The following ZNF530 variants were observed in gnomAD, a reference collection of about 807,000 sequenced individuals.
The protein encoded by ZNF530 is zinc finger protein 530.
ZNF530 carries 5 observed loss-of-function variants against 2.8 expected under a neutral mutation model. That is an observed-to-expected ratio of 1.80 (90% CI 0.94 to 3.78). ZNF530 has a LOEUF of 3.78. Ranked by LOEUF, ZNF530 falls within the 30% of genes most tolerant of loss-of-function variation. The pLI is 0.00. For synonymous variants in ZNF530, 229 were observed against 235.0 expected, an observed-to-expected ratio of 0.97 and a Z score of 0.23; for missense variants, 619 against 673.3, an observed-to-expected ratio of 0.92 and a Z score of 0.89.
downstream of ZNF530, among the ~76,000 whole-genome samples, chr19:57,610,412 A>G (rs866388707): frequency 7.5e-5 from 11 of 147,264 alleles, no homozygotes; most frequent in South Asian, 2.2e-4. Flanking sequence ...AAGTGTACAT[A>G]TGTGTGTGTG....
At chr19:57,601,351 T>C (rs1419645009) in intron 2 of ZNF530, among the ~76,000 whole-genome samples, 1 of 152,142 alleles carries the variant, frequency 6.6e-6, no homozygotes, top group Admixed American at 6.5e-5. Flanking sequence ...AATTTTGGAT[T>C]GTAGGTCGGC....
In ZNF530 at chr19:57,607,640, C is replaced by T. The variant is rs139290274; in HGVS notation, c.*315C>T. On this transcript the variant is annotated 3_prime_UTR_variant, in exon 4 of 4. Transcript: ENST00000597700. ...GATTACAGGCGTGAGCCACCATGTCCGGCTTGTGTTGTGACATTTAACACA... is the reference window on the plus strand; with the variant it reads ...GATTACAGGCGTGAGCCACCATGTCTGGCTTGTGTTGTGACATTTAACACA... 1.0e-4 allele frequency: 29 copies of T among 285,010 alleles called. No individual in the cohort carries two copies. The highest frequency in any genetic ancestry group is 3.7e-4 in the African/African-American group (17 of 45,936). 17.7% of individuals were successfully genotyped at this position (285,010 alleles called of 1,614,324 possible). A position where few individuals can be genotyped will look rare whatever the true frequency, so the allele number is the denominator to read the frequency against.
In ZNF530 at chr19:57,610,043, TA is replaced by T. The variant is rs201951650; in HGVS notation, c.*2727del. On this transcript the variant is annotated 3_prime_UTR_variant, in exon 4 of 4. Coordinates refer to ENST00000597700, the MANE Select transcript of ZNF530 (RefSeq NM_001321981.2). ...TGACCAAGATTGTTATTGCATCCAT[TA>T]AAAAAAAATCAAGTTATAATTGATG... is the stretch of plus-strand genomic sequence containing the variant. Among the ~76,000 whole-genome samples the T allele has an allele frequency of 4.0e-5, 6 of 151,256 alleles. No homozygotes were observed. The highest frequency in any genetic ancestry group is 7.4e-5 in the Non-Finnish European group (5 of 67,762).
chr19:57,599,891 TC>T lies in ZNF530; in HGVS notation c.-363del. On this transcript the variant is annotated 5_prime_UTR_variant, in exon 1 of 4. Coordinates refer to ENST00000597700, the MANE Select transcript of ZNF530 (RefSeq NM_001321981.2). The stretch of plus-strand genomic sequence containing the variant: ...CTGTCCAACTTGTCGGAGCGGAACT[TC>T]CGGCGTCCTCCCTGTGGCGGGCACT... The T allele has an allele frequency of 2.0e-6, 1 of 504,930 alleles. No individual in the cohort carries two copies. The highest frequency in any genetic ancestry group is 3.4e-5 in the South Asian group (1 of 29,764). The allele number at this position is 504,930 out of a possible 1,614,324, so 31.3% of individuals were successfully genotyped here. A position where few individuals can be genotyped will look rare whatever the true frequency, so the allele number is the denominator to read the frequency against.
intron 2 of ZNF530, among the ~76,000 whole-genome samples, chr19:57,601,131 A>T (rs534104269): frequency 1.3e-5 from 2 of 152,268 alleles, no homozygotes; most frequent in African/African-American, 4.8e-5. Context: ...TGTTCTGGAG[A>T]TGATGGCAGC....
At position 57,606,805 on chromosome 19, in the gene ZNF530, G is replaced by T; in HGVS notation, c.1181G>T (p.Arg394Ile). ...GQKSVLIQHQ[R>I]VHTGERPYEC... ...AAATCTGTCCTCATTCAACACCAAA[G>T]AGTTCACACTGGAGAAAGGCCTTAT... The change falls in exon 4 of 4, where the codon AGA (arginine) becomes ATA (isoleucine). Residue 394 changes from arginine (R) to isoleucine (I), a missense_variant. Transcript: ENST00000597700. 6.2e-7 allele frequency: 1 copy of T among 1,614,112 alleles called. No homozygotes were observed. The highest frequency in any genetic ancestry group is 8.5e-7 in the Non-Finnish European group (1 of 1,179,988).
At chr19:57,604,707 A>G (rs1599933965) in intron 3 of ZNF530, 2 of 223,510 alleles carry the variant, frequency 8.9e-6, no homozygotes, top group East Asian at 2.1e-4. Flanking sequence ...TCTTTGTTCC[A>G]TGTTCTGCCT....
chr19:57,611,777 CTTGTT>C (rs895537715), downstream of ZNF530, among the ~76,000 whole-genome samples: 1 of 150,478 alleles, frequency 6.6e-6, no homozygotes, highest in Non-Finnish European at 1.5e-5. Flanking sequence ...GGGTCCCTCT[CTTGTT>C]TTGTTTATTA....
intron 3 of ZNF530, 156 bp from the exon 4 acceptor site, chr19:57,605,530 C>T: frequency 1.5e-6 from 1 of 676,122 alleles, no homozygotes; most frequent in Non-Finnish European, 2.4e-6. Context: ...TAAGGCCTCC[C>T]TTGTTCTGTG....
At position 57,606,062 on chromosome 19, in the gene ZNF530, C is replaced by T. The variant is rs1272071045; in HGVS notation, c.438C>T (p.Ala146=). 2 of 1,614,218 alleles carry T rather than the reference C, an allele frequency of 1.2e-6. No individual in the cohort carries two copies. The highest frequency in any genetic ancestry group is 2.2e-5 in the South Asian group (2 of 91,080). ...TFGEVGRDFS[A]TSGLLQHQVT... is the part of the protein sequence containing the mutation. ...GGGAAGTCGGGAGGGACTTTTCAGC[C>T]ACCTCAGGACTTCTCCAGCATCAGG... The change falls in exon 4 of 4, where the codon GCC becomes GCT. Residue 146 remains alanine, a synonymous_variant. Transcript: ENST00000597700.
chr19:57,600,008 A>C lies in ZNF530; in HGVS notation c.-248A>C. On this transcript the variant is annotated 5_prime_UTR_variant, in exon 1 of 4. Transcript: ENST00000597700. ...CGAGGAGAGTCGTTTTCTCAGCTGC[A>C]CAGCCGGGGCCTGACGGTCGCCGGC... 1 of 1,362,406 alleles carries C rather than the reference A, an allele frequency of 7.3e-7. No individual in the cohort carries two copies. The allele number at this position is 1,362,406 out of a possible 1,614,324, so 84.4% of individuals were successfully genotyped here. A position where few individuals can be genotyped will look rare whatever the true frequency, so the allele number is the denominator to read the frequency against.
downstream of ZNF530, among the ~76,000 whole-genome samples, chr19:57,610,600 T>C (rs1028616153): frequency 6.6e-6 from 1 of 152,170 alleles, no homozygotes; most frequent in Non-Finnish European, 1.5e-5. Flanking sequence ...ACAGCATGGA[T>C]TGGGTGTCTT....
At chr19:57,612,635 C>T (rs1008801999), downstream of ZNF530, 11 of 397,198 alleles carry the variant, frequency 2.8e-5, no homozygotes, top group Non-Finnish European at 4.4e-5. Context: ...AAGCTATGAT[C>T]GTGCCACTAC....
Position 57,606,417 on chromosome 19 carries a change from A to C in ZNF530, c.793A>C (p.Ser265Arg), listed in dbSNP as rs755499146. Residue 265 changes from serine (S) to arginine (R), a missense_variant, in exon 4 of 4, where the codon AGT becomes CGT. Physicochemically the swap from Ser to Arg is moderately radical, Grantham distance 110. Transcript: ENST00000597700. ...VHTGERPYDC[S>R]ECGKSFRQVS... ...CACTGGAGAAAGGCCTTATGACTGC[A>C]GTGAATGTGGCAAATCCTTTCGCCA... 7 of 1,613,846 alleles carry C rather than the reference A, an allele frequency of 4.3e-6. No individual in the cohort carries two copies. The highest frequency in any genetic ancestry group is 5.9e-6 in the Non-Finnish European group (7 of 1,180,014).
chr19:57,611,591 G>A (rs79315300), downstream of ZNF530, among the ~76,000 whole-genome samples: 424 of 152,198 alleles, frequency 2.8e-3, 2 homozygotes, highest in African/African-American at 9.4e-3. Context: ...TTGCCATCTT[G>A]CCCCATTTTG....
At chr19:57,610,410 A>ATG (rs1491096357), downstream of ZNF530, among the ~76,000 whole-genome samples, 3 of 102,012 alleles carry the variant, frequency 2.9e-5, no homozygotes, top group Admixed American at 9.6e-5. Flanking sequence ...AAAAGTGTAC[A>ATG]TATGTGTGTG....
At chr19:57,603,445 G>A (rs948057387) in intron 2 of ZNF530, among the ~76,000 whole-genome samples, 7 of 152,174 alleles carry the variant, frequency 4.6e-5, no homozygotes, top group African/African-American at 1.7e-4. Context: ...TCTTATGACT[G>A]GCTCCTATGC....
intron 3 of ZNF530, chr19:57,605,360 TCTA>T (rs1980451329): frequency 1.4e-5 from 3 of 214,474 alleles, no homozygotes; most frequent in Non-Finnish European, 2.8e-5. Context: ...CCCATGGGTG[TCTA>T]CTGGGCCTGG....
In ZNF530 at chr19:57,606,382, A is replaced by G. The variant is rs1312617470; in HGVS notation, c.758A>G (p.Gln253Arg). 5 of 1,614,062 alleles carry G rather than the reference A, an allele frequency of 3.1e-6. No individual in the cohort carries two copies. Among genetic ancestry groups the G allele is most frequent in the South Asian group, 1.1e-5 (1 of 91,090 alleles). Residue 253 changes from glutamine (Q) to arginine (R), a missense_variant, in exon 4 of 4, where the codon CAA (glutamine) becomes CGA (arginine). Coordinates refer to ENST00000597700, the MANE Select transcript of ZNF530 (RefSeq NM_001321981.2). ...CGCAAAACTCACCTAACTCAACACC[A>G]AAGAGTTCACACTGGAGAAAGGCCT... ...FSRKTHLTQHQRVHTGERPYD... is the reference protein window; with the variant it reads ...FSRKTHLTQHRRVHTGERPYD...
Sources: gnomAD v4.1 joint callset for allele counts (sites outside exome capture counted in the v4.1 genomes callset) on GRCh38, gnomAD v4.1.1 for gene constraint, MANE v1.5 for transcripts, NCBI Gene and HGNC (gene_info 2026-07-23, HGNC 2026-07-21) for gene names.